NELL1: variants seen among roughly 807,000 people sequenced by gnomAD.
The protein encoded by NELL1 is protein kinase C-binding protein NELL1.
Under a neutral mutation model 107.4 loss-of-function variants are expected in NELL1, and 76 were observed. That is an observed-to-expected ratio of 0.71 (90% CI 0.59 to 0.86). NELL1 has a LOEUF of 0.86. Ranked by LOEUF, NELL1 falls within the 40% of genes least tolerant of loss-of-function variation. The pLI is 0.00. For missense variants in NELL1, 1,024 were observed against 1,005.5 expected (o/e 1.02, Z -0.25); for synonymous variants, 353 against 341.2 (o/e 1.03, Z -0.38).
At chr11:20,847,890 A>G (rs1320667092) in intron 4 of NELL1, 137 bp downstream of exon 4, 1 of 870,312 alleles carries the variant, frequency 1.1e-6, no homozygotes, top group Admixed American at 2.8e-5. Context: ...AACCTACCAA[A>G]TGGGACCTTA....
chr11:21,274,130 C>A (rs1247692288), intron 14 of NELL1, among the ~76,000 whole-genome samples: 1 of 152,028 alleles, frequency 6.6e-6, no homozygotes, highest in Admixed American at 6.6e-5. Flanking sequence ...GAGTCCAGAC[C>A]CATCAGTGTG....
chr11:21,156,756 A>T lies in NELL1; in HGVS notation c.1426+43042A>T, dbSNP rs146471505. On this transcript the variant is annotated intron_variant, in intron 13 of 19. Coordinates refer to ENST00000357134, the MANE Select transcript of NELL1 (RefSeq NM_006157.5). ...AGGGACATTGAAATCGTTTAGTATAATGCTGAGACTTAAGGGTAAAATCAT... is the reference window on the plus strand; with the variant it reads ...AGGGACATTGAAATCGTTTAGTATATTGCTGAGACTTAAGGGTAAAATCAT... Among the ~76,000 whole-genome samples the T allele has an allele frequency of 6.2e-4, 95 of 152,244 alleles. 1 individual carries two copies. The highest frequency in any genetic ancestry group is 6.2e-3 in the South Asian group (30 of 4,814).
At chr11:21,307,025 C>CT (rs1849620005) in intron 14 of NELL1, among the ~76,000 whole-genome samples, 1 of 151,864 alleles carries the variant, frequency 6.6e-6, no homozygotes, top group African/African-American at 2.4e-5. Context: ...AATAGCGTGC[C>CT]TTTTTCCATG....
intron 12 of NELL1, among the ~76,000 whole-genome samples, chr11:21,074,310 A>T (rs1854083719): frequency 6.6e-6 from 1 of 152,204 alleles, no homozygotes; most frequent in African/African-American, 2.4e-5. Flanking sequence ...TCAGATGGAC[A>T]GCCTGTTGTA....
At chr11:20,746,203 G>A (rs750706236) in intron 2 of NELL1, among the ~76,000 whole-genome samples, 10 of 152,144 alleles carry the variant, frequency 6.6e-5, no homozygotes, top group Non-Finnish European at 1.2e-4. Context: ...TTGGCAGAGG[G>A]AGAAGCACAG....
At chr11:20,819,215 G>C (rs1195413688) in intron 3 of NELL1, among the ~76,000 whole-genome samples, 2 of 152,176 alleles carry the variant, frequency 1.3e-5, no homozygotes, top group African/African-American at 2.4e-5. Flanking sequence ...TGCATGTACA[G>C]CATTGATTCG....
chr11:20,823,786 A>C (rs72942539), intron 3 of NELL1, among the ~76,000 whole-genome samples: 10,582 of 151,008 alleles, frequency 0.07, 717 homozygotes, highest in South Asian at 0.087. Context: ...CAGCCACCCA[A>C]CCAGTGGTGG....
intron 3 of NELL1, among the ~76,000 whole-genome samples, chr11:20,787,004 T>C (rs1246716702): frequency 2.9e-5 from 1 of 34,152 alleles, no homozygotes; most frequent in Non-Finnish European, 4.4e-5. Flanking sequence ...CGAGACTCCG[T>C]CTCAAAAAAA....
intron 2 of NELL1, among the ~76,000 whole-genome samples, chr11:20,698,543 T>G (rs1854682087): frequency 6.6e-6 from 1 of 152,234 alleles, no homozygotes; most frequent in Non-Finnish European, 1.5e-5. Context: ...ATGTGTTGCC[T>G]CTTCAGACAT....
intron 5 of NELL1, among the ~76,000 whole-genome samples, chr11:20,912,492 A>G (rs1258167492): frequency 6.6e-6 from 1 of 152,198 alleles, no homozygotes; most frequent in Non-Finnish European, 1.5e-5. Context: ...GAAAAATAAA[A>G]AAATGAGCCG....
rs951702985 is a variant in NELL1, at chr11:20,727,417, A to G, written c.184+49357A>G. Among the ~76,000 whole-genome samples the G allele has an allele frequency of 1.5e-4, 23 of 152,130 alleles. 1 individual carries two copies. The Middle Eastern group carries it at 9.5e-3, about 63-fold the overall frequency. Reference sequence around the variant, plus strand: ...CTTCTTTTGAGAAGTGTCTGTTCATATACTTTGCCCACTTTTTGATGGGGT... The same window carrying G: ...CTTCTTTTGAGAAGTGTCTGTTCATGTACTTTGCCCACTTTTTGATGGGGT... On this transcript the variant is annotated intron_variant, in intron 2 of 19. Coordinates refer to ENST00000357134, the MANE Select transcript of NELL1 (RefSeq NM_006157.5).
intron 14 of NELL1, among the ~76,000 whole-genome samples, chr11:21,360,036 C>T (rs1456618788): frequency 1.3e-5 from 2 of 151,774 alleles, no homozygotes; most frequent in Non-Finnish European, 2.9e-5. Flanking sequence ...TGCATTTTGG[C>T]TTGGTTTTCT....
At chr11:20,948,290 C>T (rs768854292) in intron 11 of NELL1, among the ~76,000 whole-genome samples, 38 of 151,958 alleles carry the variant, frequency 2.5e-4, no homozygotes, top group Non-Finnish European at 5.3e-4. Flanking sequence ...TGGCCTCAAG[C>T]AATTCTCCTG....
intron 7 of NELL1, among the ~76,000 whole-genome samples, chr11:20,920,681 C>G (rs1174424184): frequency 6.6e-6 from 1 of 152,088 alleles, no homozygotes; most frequent in African/African-American, 2.4e-5. Context: ...ACATGCCACT[C>G]TGTCTCAGGT....
At chr11:20,975,975 A>AC (rs1427572301) in intron 12 of NELL1, among the ~76,000 whole-genome samples, 1 of 142,206 alleles carries the variant, frequency 7.0e-6, no homozygotes, top group African/African-American at 2.5e-5. Context: ...CATTATATAT[A>AC]TTATATCTGT....
At chr11:21,039,391 G>A (rs1161075346) in intron 12 of NELL1, among the ~76,000 whole-genome samples, 2 of 152,212 alleles carry the variant, frequency 1.3e-5, no homozygotes, top group East Asian at 3.9e-4. Flanking sequence ...TCACCATGTT[G>A]GCTAGGCTGG....
At chr11:20,707,305 A>C (rs1427999112) in intron 2 of NELL1, among the ~76,000 whole-genome samples, 1 of 152,094 alleles carries the variant, frequency 6.6e-6, no homozygotes, top group African/African-American at 2.4e-5. Flanking sequence ...GATGGGTTTG[A>C]ACTTCCTCCT....
intron 15 of NELL1, among the ~76,000 whole-genome samples, chr11:21,429,074 A>G (rs1164552918): frequency 6.6e-6 from 1 of 152,144 alleles, no homozygotes; most frequent in Admixed American, 6.5e-5. Flanking sequence ...TGATTCTCTG[A>G]TCCTAAAATT....
rs1176440956 is a variant in NELL1 at position 21,047,565 on chromosome 11, G to A, written c.1301-66024G>A. On this transcript the variant is annotated intron_variant, in intron 12 of 19. Coordinates refer to ENST00000357134, the MANE Select transcript of NELL1 (RefSeq NM_006157.5). Reference sequence around the variant, plus strand: ...ATACAATTTATTTAACATTTCAGATGTACAATTTCTAGAATTTCTAAATTT... The same window carrying A: ...ATACAATTTATTTAACATTTCAGATATACAATTTCTAGAATTTCTAAATTT... 2.0e-5 allele frequency among the ~76,000 whole-genome samples: 3 copies of A among 152,086 alleles called. No individual in the cohort carries two copies. In the East Asian group the frequency reaches 5.8e-4, roughly 29 times the overall value.
Sources: gnomAD v4.1 joint callset for allele counts (sites outside exome capture counted in the v4.1 genomes callset) on GRCh38, gnomAD v4.1.1 for gene constraint, MANE v1.5 for transcripts, NCBI Gene and HGNC (gene_info 2026-07-23, HGNC 2026-07-21) for gene names.